The following DYM variants were observed in gnomAD, a reference collection of about 807,000 sequenced individuals.
The protein encoded by DYM is dyggve-Melchior-Clausen syndrome protein.
DYM carries 78 observed loss-of-function variants against 93.1 expected under a neutral mutation model. The observed-to-expected ratio is 0.84, with a 90% CI of 0.70 to 1.01. The LOEUF (loss-of-function observed/expected upper bound fraction) is 1.01. Among genes scored for constraint, DYM ranks in the 50% least tolerant of loss-of-function variants. DYM has a pLI of 0.00. For missense variants in DYM, 789 were observed against 845.0 expected, an observed-to-expected ratio of 0.93 and a Z score of 0.82; for synonymous variants, 321 against 319.7, an observed-to-expected ratio of 1.00 and a Z score of -0.04.
chr18:49,263,670 A>T (rs2094525129), intron 11 of DYM, among the ~76,000 whole-genome samples: 1 of 151,944 alleles, frequency 6.6e-6, no homozygotes, highest in Admixed American at 6.5e-5. Context: ...TGGAGGTTGC[A>T]CCAAGCCAAG....
chr18:49,222,629 C>T (rs188835876), intron 13 of DYM, among the ~76,000 whole-genome samples: 1 of 151,968 alleles, frequency 6.6e-6, no homozygotes, highest in Non-Finnish European at 1.5e-5. Flanking sequence ...ACAATATGAA[C>T]AGAGGTTCAT....
Position 49,097,409 on chromosome 18 carries a change from C to T in DYM, c.2018G>A (p.Arg673Lys). Reference protein sequence around the residue: ...KQGVVALPKDRLKKFPELKFK... With the variant: ...KQGVVALPKDKLKKFPELKFK... Reference sequence around the variant, plus strand: ...TTTCTTTAGCCTTCTTACCTTCAGTCTGTCTTTGGGCAGCGCAACGACGCC... The same window carrying T: ...TTTCTTTAGCCTTCTTACCTTCAGTTTGTCTTTGGGCAGCGCAACGACGCC... The change falls in exon 17 of 18, where the codon AGA (arginine) becomes AAA (lysine). Residue 673 changes from arginine (R) to lysine (K), a missense_variant. Coordinates refer to ENST00000675505, the MANE Select transcript of DYM (RefSeq NM_001353214.3). 1 of 1,613,966 alleles carries T rather than the reference C, an allele frequency of 6.2e-7. No homozygotes were observed. Among genetic ancestry groups the T allele is most frequent in the Non-Finnish European group, 8.5e-7 (1 of 1,179,888 alleles).
At chr18:49,124,067 G>T (rs2878902) in intron 15 of DYM, among the ~76,000 whole-genome samples, 102,030 of 152,018 alleles carry the variant, frequency 0.67, 35,064 homozygotes, top group South Asian at 0.79. Flanking sequence ...CAAACACATT[G>T]AGAGTTTGTT....
chr18:49,120,512 T>C (rs1322062115), intron 15 of DYM, among the ~76,000 whole-genome samples: 4 of 152,268 alleles, frequency 2.6e-5, no homozygotes, highest in African/African-American at 9.6e-5. Context: ...TCAAGTCCCT[T>C]ATACAAAGTG....
At chr18:49,386,194 C>T (rs1204634086) in intron 3 of DYM, among the ~76,000 whole-genome samples, 1 of 151,900 alleles carries the variant, frequency 6.6e-6, no homozygotes, top group Non-Finnish European at 1.5e-5. Flanking sequence ...AACAATAATA[C>T]AATTAACGTC....
intron 15 of DYM, among the ~76,000 whole-genome samples, chr18:49,154,790 T>A (rs930611427): frequency 1.3e-5 from 2 of 152,188 alleles, no homozygotes; most frequent in African/African-American, 4.8e-5. Context: ...AAATTCAAGA[T>A]CTACACCTAC....
At chr18:49,066,453 T>G (rs1285946037) in intron 17 of DYM, among the ~76,000 whole-genome samples, 2 of 152,228 alleles carry the variant, frequency 1.3e-5, no homozygotes, top group Non-Finnish European at 2.9e-5. Flanking sequence ...TGTGATTCAT[T>G]CACGGTCATT....
intron 1 of DYM, chr18:49,447,498 G>T (rs1033495083): frequency 6.6e-6 from 1 of 152,212 alleles, no homozygotes; most frequent in Non-Finnish European, 1.5e-5. Flanking sequence ...AAGGGGAAGA[G>T]CGAACTCTAA....
chr18:49,138,351 A>G (rs1404816209), intron 15 of DYM, among the ~76,000 whole-genome samples: 1 of 152,236 alleles, frequency 6.6e-6, no homozygotes, highest in Non-Finnish European at 1.5e-5. Context: ...GGGAGAAATT[A>G]AAAAGGCATT....
At chr18:49,161,857 G>T (rs4435323) in intron 15 of DYM, among the ~76,000 whole-genome samples, 56,341 of 152,044 alleles carry the variant, frequency 0.37, 12,569 homozygotes, top group Middle Eastern at 0.58. Flanking sequence ...CTCATATCAG[G>T]ACAACCATTT....
chr18:49,233,559 C>T (rs1292565259), intron 13 of DYM, among the ~76,000 whole-genome samples: 1 of 152,266 alleles, frequency 6.6e-6, no homozygotes, highest in African/African-American at 2.4e-5. Flanking sequence ...TGTTGCTCCA[C>T]TCCCACAATG....
chr18:49,118,452 C>T (rs2082100751), intron 16 of DYM, among the ~76,000 whole-genome samples: 1 of 152,012 alleles, frequency 6.6e-6, no homozygotes, highest in Non-Finnish European at 1.5e-5. Flanking sequence ...AAATGTGAGA[C>T]TTTCAAAGAA....
chr18:49,413,674 G>C (rs1339842650), intron 2 of DYM, among the ~76,000 whole-genome samples: 1 of 152,172 alleles, frequency 6.6e-6, no homozygotes, highest in African/African-American at 2.4e-5. Flanking sequence ...TAATTAGTCA[G>C]ACTTAAGGAA....
At chr18:49,441,304 TATAATTAATATATA>T (rs2081575375) in intron 1 of DYM, among the ~76,000 whole-genome samples, 1 of 44,030 alleles carries the variant, frequency 2.3e-5, no homozygotes. Context: ...TATAATTATA[TATAATTAATATATA>T]ATTATATATA....
chr18:49,391,569 C>G (rs1232325206), intron 3 of DYM, 24 bp downstream of exon 3: 1 of 1,611,798 alleles, frequency 6.2e-7, no homozygotes, highest in Admixed American at 1.7e-5. Context: ...AAAACAACAC[C>G]CCACACACAT....
At chr18:49,419,552 A>T (rs1361211411) in intron 2 of DYM, among the ~76,000 whole-genome samples, 1 of 152,180 alleles carries the variant, frequency 6.6e-6, no homozygotes. Flanking sequence ...GCTCCACATA[A>T]ATCAAGTACA....
intron 13 of DYM, among the ~76,000 whole-genome samples, chr18:49,238,224 T>C (rs1042090178): frequency 2.6e-5 from 4 of 152,166 alleles, no homozygotes; most frequent in South Asian, 2.1e-4. Flanking sequence ...AGAAATAGCA[T>C]GTCAGTGAAG....
intron 17 of DYM, among the ~76,000 whole-genome samples, chr18:49,096,036 T>C (rs1171148932): frequency 2.0e-5 from 3 of 152,068 alleles, no homozygotes; most frequent in African/African-American, 7.2e-5. Context: ...TTTGAAATAG[T>C]TCAAAAAAAT....
chr18:49,284,426 T>C (rs1264184452), intron 9 of DYM, among the ~76,000 whole-genome samples: 1 of 152,176 alleles, frequency 6.6e-6, no homozygotes, highest in African/African-American at 2.4e-5. Flanking sequence ...TCCCAAACCA[T>C]GACCATCCCA....
Sources: gnomAD v4.1 joint callset for allele counts (sites outside exome capture counted in the v4.1 genomes callset) on GRCh38, gnomAD v4.1.1 for gene constraint, MANE v1.5 for transcripts, NCBI Gene and HGNC (gene_info 2026-07-23, HGNC 2026-07-21) for gene names.